Variants in SYNE1 observed in about 807,000 individuals in gnomAD.
SYNE1 encodes nesprin-1.
SYNE1 carries 616 observed loss-of-function variants against 1,111.0 expected under a neutral mutation model. The ratio of observed to expected loss-of-function variants is 0.55; its 90% CI spans 0.52 to 0.59. SYNE1 has a LOEUF of 0.59. Among genes scored for constraint, SYNE1 ranks in the 20% least tolerant of loss-of-function variants. The pLI is 0.00. For missense variants in SYNE1, 10,006 were observed against 10,417.0 expected (o/e 0.96, Z 1.72); for synonymous variants, 3,855 against 3,825.8 (o/e 1.01, Z -0.28).
rs1469957399 is a variant in SYNE1, at chr6:152,371,894, A to AC, written c.9507+1142_9507+1143insG. ...AAAGGAAAGGAAAGGAAAGGAAAGGAAAGGAAAGGAAAGGAAAGGAAAGGA... is the reference window on the plus strand; with the variant it reads ...AAAGGAAAGGAAAGGAAAGGAAAGGACAAGGAAAGGAAAGGAAAGGAAAGGA... On this transcript the variant is annotated intron_variant, in intron 59 of 145. Coordinates refer to ENST00000367255, the MANE Select transcript of SYNE1 (RefSeq NM_182961.4). 6.7e-4 allele frequency among the ~76,000 whole-genome samples: 76 copies of AC among 113,794 alleles called. 1 individual carries two copies. Among genetic ancestry groups the AC allele is most frequent in the African/African-American group, 2.7e-3 (74 of 27,114 alleles). 74.7% of individuals were successfully genotyped at this position (113,794 alleles called of 152,430 possible).
chr6:152,397,327 C>T (rs551652353), intron 49 of SYNE1, among the ~76,000 whole-genome samples: 1 of 152,196 alleles, frequency 6.6e-6, no homozygotes, highest in South Asian at 2.1e-4. Flanking sequence ...TAGCTGCCTC[C>T]AGCCCCTCCC....
rs1491115589 is a variant in SYNE1 at position 152,253,817 on chromosome 6, G to GTTTTTTTTTTTTTTTT, written c.19470+1062_19470+1063insAAAAAAAAAAAAAAAA. On this transcript the variant is annotated intron_variant, in intron 104 of 145. Transcript: ENST00000367255. ...ATGCTACATTTATGTGTAGTGGTTT[G>GTTTTTTTTTTTTTTTT]GTTTTTTTTTTTTTTTTTTTTTTTT... Among the ~76,000 whole-genome samples the GTTTTTTTTTTTTTTTT allele has an allele frequency of 6.2e-3, 365 of 59,152 alleles. 156 individuals carry two copies. The highest frequency in any genetic ancestry group is 0.035 in the Middle Eastern group (4 of 114). 38.8% of individuals were successfully genotyped at this position (59,152 alleles called of 152,430 possible). A position where few individuals can be genotyped will look rare whatever the true frequency, so the allele number is the denominator to read the frequency against.
chr6:152,554,093 C>T (rs946161929), intron 3 of SYNE1, among the ~76,000 whole-genome samples: 1 of 151,994 alleles, frequency 6.6e-6, no homozygotes, highest in Non-Finnish European at 1.5e-5. Flanking sequence ...CAGCAGGCAA[C>T]ATTTGGAGAG....
chr6:152,365,343 T>TATTCATCTCAA (rs1161291642), intron 62 of SYNE1, among the ~76,000 whole-genome samples: 1 of 152,240 alleles, frequency 6.6e-6, no homozygotes, highest in Admixed American at 6.5e-5. Flanking sequence ...TCAAAGGTTA[T>TATTCATCTCAA]AGGATGAAGA....
chr6:152,520,390 G>C, intron 6 of SYNE1, 69 bp downstream of exon 6: 1 of 1,456,648 alleles, frequency 6.9e-7, no homozygotes, highest in Non-Finnish European at 9.6e-7. Flanking sequence ...ACAGATAGGA[G>C]CCAATACTGA....
Position 152,488,518 on chromosome 6 carries a change from A to T in SYNE1, c.940-15T>A, listed in dbSNP as rs371622799. The stretch of plus-strand genomic sequence containing the variant: ...CTGTCTTCTCTCTGGAAATGAGGAG[A>T]CATTACAATTTTATTAGTATCTGTG... On this transcript the variant is annotated splice_polypyrimidine_tract_variant and intron_variant, in intron 11 of 145. Coordinates refer to ENST00000367255, the MANE Select transcript of SYNE1 (RefSeq NM_182961.4). 2 of 1,379,158 alleles carry T rather than the reference A, an allele frequency of 1.5e-6. No homozygotes were observed. Among genetic ancestry groups the T allele is most frequent in the Non-Finnish European group, 2.1e-6 (2 of 971,670 alleles). 85.4% of individuals were successfully genotyped at this position (1,379,158 alleles called of 1,614,324 possible).
chr6:152,283,872 G>A, intron 96 of SYNE1, 106 bp downstream of exon 96: 1 of 976,700 alleles, frequency 1.0e-6, no homozygotes, highest in South Asian at 1.4e-5. Context: ...CAGCTTAGGA[G>A]AGGGAAGCAA....
intron 87 of SYNE1, among the ~76,000 whole-genome samples, chr6:152,311,392 G>C (rs940935271): frequency 6.6e-6 from 1 of 152,166 alleles, no homozygotes; most frequent in Non-Finnish European, 1.5e-5. Context: ...TAGAAGATAC[G>C]TGCAATAACT....
At chr6:152,434,105 A>G (rs2098452840) in intron 33 of SYNE1, 160 bp from the exon 34 acceptor site, 1 of 660,738 alleles carries the variant, frequency 1.5e-6, no homozygotes, top group Non-Finnish European at 2.5e-6. Flanking sequence ...AGTTGTTCTG[A>G]GTAGTTTATC....
chr6:152,547,155 A>G (rs2099317730), intron 3 of SYNE1, among the ~76,000 whole-genome samples: 1 of 152,172 alleles, frequency 6.6e-6, no homozygotes, highest in Non-Finnish European at 1.5e-5. Context: ...TCACAGAAAC[A>G]TGAGAAATCC....
At chr6:152,561,257 C>T (rs1453296738) in intron 3 of SYNE1, among the ~76,000 whole-genome samples, 1 of 151,902 alleles carries the variant, frequency 6.6e-6, no homozygotes, top group African/African-American at 2.4e-5. Context: ...AGTTGCATGT[C>T]TATACATAAA....
chr6:152,229,163 G>T (rs944452589), intron 115 of SYNE1, among the ~76,000 whole-genome samples: 2 of 152,000 alleles, frequency 1.3e-5, no homozygotes, highest in African/African-American at 4.8e-5. Flanking sequence ...TCTGAAACCC[G>T]AAATAGAAAA....
At chr6:152,323,943 T>C (rs2095965713) in intron 81 of SYNE1, among the ~76,000 whole-genome samples, 1 of 152,026 alleles carries the variant, frequency 6.6e-6, no homozygotes, top group South Asian at 2.1e-4. Context: ...AGCTTTAATC[T>C]CAAAATAATA....
intron 76 of SYNE1, chr6:152,335,533 A>G (rs1021086835): frequency 2.0e-5 from 3 of 152,088 alleles, no homozygotes; most frequent in African/African-American, 7.2e-5. Flanking sequence ...AATAAATCTT[A>G]TTATCCCGAT....
At chr6:152,344,619 G>A (rs1000122108) in intron 73 of SYNE1, among the ~76,000 whole-genome samples, 2 of 152,098 alleles carry the variant, frequency 1.3e-5, no homozygotes, top group African/African-American at 2.4e-5. Context: ...GCAACTAAAA[G>A]TAAAAATAAA....
intron 45 of SYNE1, among the ~76,000 whole-genome samples, chr6:152,405,917 A>G (rs750509737): frequency 4.6e-5 from 7 of 152,088 alleles, no homozygotes; most frequent in Non-Finnish European, 7.4e-5. Context: ...CAAAGTCACT[A>G]TCTCCTTACT....
intron 14 of SYNE1, among the ~76,000 whole-genome samples, chr6:152,474,391 C>T (rs2098823756): frequency 6.6e-6 from 1 of 152,048 alleles, no homozygotes; most frequent in African/African-American, 2.4e-5. Flanking sequence ...AGGCAAAAAA[C>T]AAATAGACAA....
At position 152,637,215 on chromosome 6, in the gene SYNE1, T is replaced by C. The variant is rs1055442684; in HGVS notation, c.-418A>G. 2.6e-5 allele frequency: 4 copies of C among 152,178 alleles called. No individual in the cohort carries two copies. The highest frequency in any genetic ancestry group is 1.9e-4 in the East Asian group (1 of 5,168). 9.4% of individuals were successfully genotyped at this position (152,178 alleles called of 1,614,324 possible). A position where few individuals can be genotyped will look rare whatever the true frequency, so the allele number is the denominator to read the frequency against. On this transcript the variant is annotated 5_prime_UTR_variant, in exon 1 of 146. Transcript: ENST00000367255. ...TCCTGGAGATGCACGGCCTTGGGCG[T>C]TTCTCCGCAGCTGCAAAGCTGTGCT...
In SYNE1 at chr6:152,333,426, A is replaced by G. The variant is rs2096296600; in HGVS notation, c.12794+582T>C. Among the ~76,000 whole-genome samples, 3 of 152,216 alleles carry G rather than the reference A, an allele frequency of 2.0e-5. No homozygotes were observed. In the South Asian group the frequency reaches 6.2e-4, roughly 32 times the overall value. On this transcript the variant is annotated intron_variant, in intron 77 of 145. Transcript: ENST00000367255. Reference sequence around the variant, plus strand: ...AGATGATATCCCATAACTTGTAATTAAACAAAATTAGAAATATTTTTAGAA... The same window carrying G: ...AGATGATATCCCATAACTTGTAATTGAACAAAATTAGAAATATTTTTAGAA...
Sources: gnomAD v4.1 joint callset for allele counts (sites outside exome capture counted in the v4.1 genomes callset) on GRCh38, gnomAD v4.1.1 for gene constraint, MANE v1.5 for transcripts, NCBI Gene and HGNC (gene_info 2026-07-23, HGNC 2026-07-21) for gene names.